Variants in UBE3C observed in about 807,000 individuals in gnomAD.
The protein encoded by UBE3C is ubiquitin-protein ligase E3C.
A neutral mutation model predicts 129.4 loss-of-function variants in UBE3C; 42 were observed. That is an observed-to-expected ratio of 0.32 (90% CI 0.25 to 0.42). The LOEUF (loss-of-function observed/expected upper bound fraction) is 0.42, where lower values mean the gene tolerates loss of function less well. UBE3C is among the 10% of genes least tolerant of loss of function. The pLI, the probability that UBE3C is intolerant of heterozygous loss-of-function variation, is 1.00. For missense variants in UBE3C, 1,049 were observed against 1,319.1 expected (o/e 0.80, Z 3.17); for synonymous variants, 510 against 492.4 (o/e 1.04, Z -0.47).
At position 157,223,875 on chromosome 7, in the gene UBE3C, G is replaced by T. The variant is rs187156740; in HGVS notation, c.2100+524G>T. 3.9e-5 allele frequency among the ~76,000 whole-genome samples: 6 copies of T among 152,280 alleles called. No individual in the cohort carries two copies. The South Asian group carries it at 1.2e-3, about 32-fold the overall frequency. On this transcript the variant is annotated intron_variant, in intron 16 of 22. Transcript: ENST00000348165. ...GCAGAGGTTGCAGTGAGCCAAGATCGTGCCAGTACACTCCAGCCTGGGCAA... is the reference window on the plus strand; with the variant it reads ...GCAGAGGTTGCAGTGAGCCAAGATCTTGCCAGTACACTCCAGCCTGGGCAA...
intron 18 of UBE3C, among the ~76,000 whole-genome samples, chr7:157,246,045 G>A (rs1796467783): frequency 6.8e-6 from 1 of 147,046 alleles, no homozygotes; most frequent in Non-Finnish European, 1.5e-5. Flanking sequence ...GTCATTTTCT[G>A]AAACAAAAAG....
intron 17 of UBE3C, among the ~76,000 whole-genome samples, chr7:157,228,967 C>A (rs1415011690): frequency 6.6e-6 from 1 of 152,194 alleles, no homozygotes; most frequent in Non-Finnish European, 1.5e-5. Context: ...TGCTAAACCC[C>A]TTTTCCAGAA....
chr7:157,151,383 G>A (rs1807753443), intron 1 of UBE3C, among the ~76,000 whole-genome samples: 1 of 152,176 alleles, frequency 6.6e-6, no homozygotes, highest in South Asian at 2.1e-4. Context: ...ATACATTTTG[G>A]TGAATGTGAG....
chr7:157,162,425 C>A (rs1234584731), intron 1 of UBE3C, among the ~76,000 whole-genome samples: 1 of 152,142 alleles, frequency 6.6e-6, no homozygotes, highest in Non-Finnish European at 1.5e-5. Context: ...GAACTCCTGA[C>A]CTCATGATCT....
intron 10 of UBE3C, among the ~76,000 whole-genome samples, chr7:157,196,900 TG>T (rs1407674621): frequency 2.0e-5 from 3 of 151,636 alleles, no homozygotes; most frequent in Non-Finnish European, 4.4e-5. Flanking sequence ...ACCTGGGAGG[TG>T]GAGGTTGTGG....
intron 12 of UBE3C, 32 bp from the exon 13 acceptor site, chr7:157,207,669 AAG>A: frequency 6.3e-7 from 1 of 1,599,934 alleles, no homozygotes; most frequent in Non-Finnish European, 8.5e-7. Context: ...AAGATGGAAA[AAG>A]AAACAATAGA....
chr7:157,164,446 C>T (rs961987568), intron 2 of UBE3C: 8 of 456,496 alleles, frequency 1.8e-5, no homozygotes, highest in African/African-American at 1.2e-4. Flanking sequence ...TGAACTGCCT[C>T]GTCTGGCTGA....
chr7:157,259,700 G>A (rs10259783), intron 22 of UBE3C, among the ~76,000 whole-genome samples: 26,936 of 152,124 alleles, frequency 0.18, 2,640 homozygotes, highest in East Asian at 0.36. Context: ...CACAGAGCGG[G>A]TCAGGGGCTG....
chr7:157,182,760 C>CG (rs1554426144), intron 8 of UBE3C, among the ~76,000 whole-genome samples: 16 of 148,646 alleles, frequency 1.1e-4, no homozygotes, highest in South Asian at 2.2e-4. Context: ...GGGTTGGGTG[C>CG]GGGGGGGTAT....
At chr7:157,209,525 A>G (rs1284467684) in intron 13 of UBE3C, among the ~76,000 whole-genome samples, 1 of 152,236 alleles carries the variant, frequency 6.6e-6, no homozygotes, top group African/African-American at 2.4e-5. Context: ...TTTAAAACTT[A>G]TAATTCTTAC....
intron 11 of UBE3C, among the ~76,000 whole-genome samples, chr7:157,202,547 C>T (rs959060358): frequency 6.6e-6 from 1 of 152,100 alleles, no homozygotes; most frequent in Admixed American, 6.5e-5. Context: ...ATCCCAGCTA[C>T]TTGGGAGGCT....
chr7:157,259,950 G>T (rs1796854042), intron 22 of UBE3C, among the ~76,000 whole-genome samples: 1 of 152,186 alleles, frequency 6.6e-6, no homozygotes, highest in Non-Finnish European at 1.5e-5. Context: ...TAGAGAGGTG[G>T]AAAGAAGTGA....
intron 2 of UBE3C, among the ~76,000 whole-genome samples, chr7:157,166,912 T>G (rs958888247): frequency 2.2e-4 from 28 of 126,656 alleles, no homozygotes; most frequent in African/African-American, 7.6e-4. Context: ...CTTTTTCCTG[T>G]TGGTGGTGGT....
At chr7:157,263,663 CAAA>C (rs375631649) in intron 22 of UBE3C, among the ~76,000 whole-genome samples, 2 of 76,246 alleles carry the variant, frequency 2.6e-5, no homozygotes, top group Non-Finnish European at 2.8e-5. Flanking sequence ...GACGCCAACT[CAAA>C]AAAAAAAAAA....
chr7:157,185,851 A>G (rs2116935482), intron 9 of UBE3C, among the ~76,000 whole-genome samples: 1 of 152,244 alleles, frequency 6.6e-6, no homozygotes, highest in Non-Finnish European at 1.5e-5. Flanking sequence ...TACTGCTTTT[A>G]TCTATAAAAC....
At chr7:157,216,680 G>T (rs1052136177) in intron 13 of UBE3C, among the ~76,000 whole-genome samples, 187 bp from the exon 14 acceptor site, 6 of 152,206 alleles carry the variant, frequency 3.9e-5, no homozygotes, top group African/African-American at 1.2e-4. Context: ...TTTGTTGGCA[G>T]ATAACTGCTT....
chr7:157,187,125 G>A, intron 10 of UBE3C, 104 bp downstream of exon 10: 3 of 1,311,932 alleles, frequency 2.3e-6, no homozygotes, highest in Non-Finnish European at 3.1e-6. Context: ...TTTTCTGGTA[G>A]AGATTGATGT....
At chr7:157,217,095 T>TAA in intron 14 of UBE3C, 124 bp downstream of exon 14, 1 of 711,968 alleles carries the variant, frequency 1.4e-6, no homozygotes, top group Non-Finnish European at 2.3e-6. Context: ...TAAATAGTAA[T>TAA]GATAAACCTT....
intron 22 of UBE3C, among the ~76,000 whole-genome samples, chr7:157,261,346 A>C (rs1354108852): frequency 6.6e-6 from 1 of 150,860 alleles, no homozygotes; most frequent in African/African-American, 2.4e-5. Flanking sequence ...AAAATCCCAA[A>C]TAGACTAAAA....
Sources: gnomAD v4.1 joint callset for allele counts (sites outside exome capture counted in the v4.1 genomes callset) on GRCh38, gnomAD v4.1.1 for gene constraint, MANE v1.5 for transcripts, NCBI Gene and HGNC (gene_info 2026-07-23, HGNC 2026-07-21) for gene names.